RBM26: variants seen among roughly 807,000 people sequenced by gnomAD.
RBM26 encodes RNA binding motif protein 26.
A neutral mutation model predicts 123.6 loss-of-function variants in RBM26; 30 were observed. The observed-to-expected ratio is 0.24, with a 90% CI of 0.18 to 0.33. The LOEUF is 0.33. RBM26 is among the 10% of genes least tolerant of loss of function. RBM26 has a pLI of 1.00. For missense variants in RBM26, 947 were observed against 1,203.6 expected, an observed-to-expected ratio of 0.79 and a Z score of 3.15; for synonymous variants, 400 against 404.4, an observed-to-expected ratio of 0.99 and a Z score of 0.13.
intron 20 of RBM26, among the ~76,000 whole-genome samples, chr13:79,324,336 C>G (rs2068070002): frequency 6.6e-6 from 1 of 151,766 alleles, no homozygotes; most frequent in Admixed American, 6.6e-5. Flanking sequence ...ATAAATGTCA[C>G]TTTTCTTGAA....
At chr13:79,317,890 G>GCATT (rs779519205), downstream of RBM26, among the ~76,000 whole-genome samples, 1 of 151,622 alleles carries the variant, frequency 6.6e-6, no homozygotes. Flanking sequence ...ATTTAAATAT[G>GCATT]CATTCATTCA....
chr13:79,401,651 G>C (rs1322955970), intron 1 of RBM26, among the ~76,000 whole-genome samples: 1 of 152,202 alleles, frequency 6.6e-6, no homozygotes, highest in Non-Finnish European at 1.5e-5. Context: ...TAGCCTATCT[G>C]TGTTTAATCA....
chr13:79,333,054 C>A (rs1428703603), intron 20 of RBM26, among the ~76,000 whole-genome samples: 1 of 152,102 alleles, frequency 6.6e-6, no homozygotes, highest in Non-Finnish European at 1.5e-5. Context: ...TAGCAAGAGA[C>A]TAAAAATTAT....
intron 1 of RBM26, among the ~76,000 whole-genome samples, chr13:79,393,972 T>C (rs2078329414): frequency 6.6e-6 from 1 of 152,214 alleles, no homozygotes; most frequent in African/African-American, 2.4e-5. Context: ...GCAAGTCTGC[T>C]TCTCTGTTTT....
intron 3 of RBM26, chr13:79,376,541 A>C (rs1340252106): frequency 6.6e-6 from 1 of 152,182 alleles, no homozygotes; most frequent in East Asian, 1.9e-4. Flanking sequence ...AAAAGATATA[A>C]ATTATTATAT....
chr13:79,392,966 G>A lies in RBM26; in HGVS notation c.71+12738C>T, dbSNP rs569967601. On this transcript the variant is annotated intron_variant, in intron 1 of 21. Coordinates refer to ENST00000438737, the MANE Select transcript of RBM26 (RefSeq NM_001366735.2). Reference sequence around the variant, plus strand: ...CAGCGAAACTTTAAATCATCTTTTAGCAGTCATATACACATGCTGTCGAGA... The same window carrying A: ...CAGCGAAACTTTAAATCATCTTTTAACAGTCATATACACATGCTGTCGAGA... 1.1e-3 allele frequency among the ~76,000 whole-genome samples: 165 copies of A among 152,230 alleles called. 1 individual carries two copies. The highest frequency in any genetic ancestry group is 1.3e-3 in the Non-Finnish European group (87 of 68,018).
At chr13:79,365,936 A>G in intron 8 of RBM26, 119 bp downstream of exon 8, 3 of 1,061,660 alleles carry the variant, frequency 2.8e-6, no homozygotes. Context: ...TTCATTCACC[A>G]CGGCTACATA....
At chr13:79,348,709 G>A (rs762761651) in intron 14 of RBM26, among the ~76,000 whole-genome samples, 3 of 152,128 alleles carry the variant, frequency 2.0e-5, no homozygotes, top group Admixed American at 6.6e-5. Context: ...GTAGTCACCT[G>A]TTCAGTAAAT....
chr13:79,383,666 T>G (rs1407765190), intron 1 of RBM26, among the ~76,000 whole-genome samples: 2 of 147,304 alleles, frequency 1.4e-5, no homozygotes, highest in Non-Finnish European at 3.0e-5. Flanking sequence ...GGAATTTACA[T>G]TGGGGGGTGG....
intron 1 of RBM26, among the ~76,000 whole-genome samples, chr13:79,405,410 C>G (rs2079443498): frequency 6.6e-6 from 1 of 152,120 alleles, no homozygotes; most frequent in South Asian, 2.1e-4. Flanking sequence ...GTCGGTTTCA[C>G]TAAAATAAAC....
chr13:79,396,065 A>C (rs1247232310), intron 1 of RBM26, among the ~76,000 whole-genome samples: 1 of 152,212 alleles, frequency 6.6e-6, no homozygotes, highest in Non-Finnish European at 1.5e-5. Flanking sequence ...AAATAAAAGG[A>C]ATTGAATCTT....
Position 79,373,495 on chromosome 13 carries a change from GTATAA to G in RBM26, c.328-1570_328-1566del, listed in dbSNP as rs2076302134. Among the ~76,000 whole-genome samples the G allele has an allele frequency of 2.4e-4, 2 of 8,494 alleles. 1 individual carries two copies. Among genetic ancestry groups the G allele is most frequent in the East Asian group, 3.0e-3 (2 of 660 alleles). 5.6% of individuals were successfully genotyped at this position (8,494 alleles called of 152,430 possible). ...ATAAATATACAAATATATATAATAT[GTATAA>G]ATATACTTATTTATATATATTACTA... is the stretch of plus-strand genomic sequence containing the variant. On this transcript the variant is annotated intron_variant, in intron 3 of 21. Coordinates refer to ENST00000438737, the MANE Select transcript of RBM26 (RefSeq NM_001366735.2).
At position 79,365,673 on chromosome 13, in the gene RBM26, G is replaced by A. The variant is rs1249304372; in HGVS notation, c.1322C>T (p.Thr441Ile). The A allele has an allele frequency of 6.2e-7, 1 of 1,613,644 alleles. No homozygotes were observed. The highest frequency in any genetic ancestry group is 1.3e-5 in the African/African-American group (1 of 74,888). Residue 441 changes from threonine to isoleucine, a missense_variant, in exon 9 of 22, where the codon ACA becomes ATA. Thr to Ile is a moderately conservative substitution (Grantham distance 89, BLOSUM62 -1). This residue lies in a region of RBM26 where 493 missense variants were observed against 563.1 expected (regional missense o/e 0.88). Transcript: ENST00000438737. ...TCTATACATAGGTCTGGAAGTGTTT[G>A]TTATGCTTGGGGCTTCAGGATTGTA... Reference protein sequence around the residue: ...DGYNPEAPSITNTSRPMYRHR... With the variant: ...DGYNPEAPSIINTSRPMYRHR...
chr13:79,364,907 T>G (rs2075101305), intron 9 of RBM26, among the ~76,000 whole-genome samples: 2 of 152,144 alleles, frequency 1.3e-5, no homozygotes, highest in South Asian at 4.1e-4. Flanking sequence ...CAAGCACTAT[T>G]TGATTTTTCA....
intron 1 of RBM26, among the ~76,000 whole-genome samples, chr13:79,388,241 A>G (rs2077649799): frequency 6.6e-6 from 1 of 152,206 alleles, no homozygotes; most frequent in Non-Finnish European, 1.5e-5. Flanking sequence ...GATTACAGGC[A>G]TGTACCACCA....
rs1318824750 is a variant in RBM26, at chr13:79,322,460, A to G, written c.2823T>C (p.Ala941=). The G allele has an allele frequency of 3.2e-6, 5 of 1,543,522 alleles. No individual in the cohort carries two copies. In the Admixed American group the frequency reaches 6.7e-5, roughly 21 times the overall value. Residue 941 remains alanine, a splice_region_variant and synonymous_variant, in exon 21 of 22, where the codon GCT becomes GCC. Coordinates refer to ENST00000438737, the MANE Select transcript of RBM26 (RefSeq NM_001366735.2). ...CTTTGAAACGAGCTCCATGAACTGC[A>G]GCCTAAAATGATTAAAAATATTGGA... ...TFKTRAEAEA[A]AVHGARFKGQ...
At chr13:79,377,228 A>T in intron 3 of RBM26, 151 bp downstream of exon 3, 1 of 596,988 alleles carries the variant, frequency 1.7e-6, no homozygotes, top group Non-Finnish European at 2.9e-6. Context: ...GCACAATTAT[A>T]TGCAGAGTCC....
intron 20 of RBM26, among the ~76,000 whole-genome samples, chr13:79,326,565 C>G (rs1034031994): frequency 3.3e-5 from 5 of 151,994 alleles, no homozygotes; most frequent in African/African-American, 1.2e-4. Flanking sequence ...AAAAAACTAC[C>G]AAAGTACCAA....
chr13:79,383,682 A>G (rs1022891), intron 1 of RBM26, among the ~76,000 whole-genome samples: 77,070 of 151,914 alleles, frequency 0.51, 19,965 homozygotes, highest in Middle Eastern at 0.62. Context: ...GGTGGGGGGA[A>G]CCAATATGCA....
Sources: gnomAD v4.1 joint callset for allele counts (sites outside exome capture counted in the v4.1 genomes callset) on GRCh38, gnomAD v4.1.1 for gene constraint, gnomAD v4.1.1 regional missense constraint, MANE v1.5 for transcripts, NCBI Gene and HGNC (gene_info 2026-07-23, HGNC 2026-07-21) for gene names.